Variants in PLEC observed in about 807,000 individuals in gnomAD.
PLEC encodes the protein plectin, also known as hemidesmosomal protein 1.
In PLEC, 216 loss-of-function variants were observed where a neutral mutation model predicts 392.8. The observed-to-expected ratio is 0.55, with a 90% CI of 0.49 to 0.62. The LOEUF (loss-of-function observed/expected upper bound fraction) is 0.62, where lower values mean the gene tolerates loss of function less well. Ranked by LOEUF, PLEC falls within the 20% of genes least tolerant of loss-of-function variation. The pLI is 0.00. For synonymous variants in PLEC, 3,621 were observed against 2,980.6 expected, an observed-to-expected ratio of 1.21 and a Z score of -7.00; for missense variants, 6,863 against 6,563.4, an observed-to-expected ratio of 1.05 and a Z score of -1.58.
chr8:143,961,163 A>AGG (rs1280298485), intron 1 of PLEC, among the ~76,000 whole-genome samples: 39 of 152,334 alleles, frequency 2.6e-4, no homozygotes, highest in African/African-American at 8.7e-4. Context: ...CCAATACGAT[A>AGG]GGTAAAAAAC....
At chr8:143,938,724 C>G in intron 1 of PLEC, 32 bp from the exon 2 acceptor site, 1 of 1,603,692 alleles carries the variant, frequency 6.2e-7, no homozygotes, top group Non-Finnish European at 8.5e-7. Context: ...TACCTGGGGC[C>G]TGGGAGAAGC....
At chr8:143,937,123 G>A in intron 4 of PLEC, 42 bp downstream of exon 4, 2 of 1,608,520 alleles carry the variant, frequency 1.2e-6, no homozygotes, top group Non-Finnish European at 1.7e-6. Context: ...CTGGCTTGGT[G>A]AGGGGTCTGG....
At chr8:143,932,262 A>C (rs782736273) in intron 16 of PLEC, 28 bp from the exon 17 acceptor site, 4 of 1,610,066 alleles carry the variant, frequency 2.5e-6, no homozygotes, top group Non-Finnish European at 2.5e-6. Flanking sequence ...GGTCTCAGGG[A>C]CGGCCGGCCA....
chr8:143,956,269 T>C (rs1832590087), upstream of PLEC, among the ~76,000 whole-genome samples: 1 of 152,012 alleles, frequency 6.6e-6, no homozygotes, highest in South Asian at 2.1e-4. Flanking sequence ...TTTAAAGGAT[T>C]AAAACGCATA....
chr8:143,934,428 G>T lies in PLEC; in HGVS notation c.1059C>A (p.Gly353=). 1 of 1,611,342 alleles carries T rather than the reference G, an allele frequency of 6.2e-7. No individual in the cohort carries two copies. The change falls in exon 11 of 32, where the codon GGC becomes GGA. Residue 353 remains glycine (G), a synonymous_variant. Transcript: ENST00000345136. The stretch of plus-strand genomic sequence containing the variant: ...GGTAGCCAGGGGGCACCTTGAGCTG[G>T]CCTGCTTGCACCGCTCCCTGTAGAC... The part of the protein sequence containing the change: ...YQSLEGAVQA[G]QLKVPPGYHP...
At chr8:143,938,440 C>G in intron 2 of PLEC, 191 bp downstream of exon 2, 1 of 1,540,490 alleles carries the variant, frequency 6.5e-7, no homozygotes, top group South Asian at 1.2e-5. Flanking sequence ...CAGGAAAGAC[C>G]AGAAGGAAGA....
At chr8:143,971,855 G>C (rs578184605) in intron 1 of PLEC, among the ~76,000 whole-genome samples, 1 of 152,060 alleles carries the variant, frequency 6.6e-6, no homozygotes, top group Admixed American at 6.5e-5. Flanking sequence ...CCAAGACTGC[G>C]AGTGTGCCCA....
chr8:143,938,719 G>A, intron 1 of PLEC, 27 bp from the exon 2 acceptor site: 1 of 1,611,370 alleles, frequency 6.2e-7, no homozygotes, highest in Non-Finnish European at 8.5e-7. Flanking sequence ...CAGCTTACCT[G>A]GGGCCTGGGA....
chr8:143,954,128 C>T (rs1554738464), upstream of PLEC, among the ~76,000 whole-genome samples: 17 of 151,884 alleles, frequency 1.1e-4, no homozygotes, highest in Non-Finnish European at 2.9e-5. This position sits in a 1 kb window ranked among gnomAD's most constrained non-coding sequence, Gnocchi z 4.6. Flanking sequence ...TGCAACGAGC[C>T]ATGCTTAGAA....
At position 143,923,572 on chromosome 8, in the gene PLEC, C is replaced by A. The variant is rs782016706; in HGVS notation, c.6357G>T (p.Gln2119His). Residue 2119 changes from glutamine (Q) to histidine (H), a missense_variant, in exon 31 of 32, where the codon CAG becomes CAT. Transcript: ENST00000345136. The stretch of plus-strand genomic sequence containing the variant: ...GGGCCTGTGCCTGCTCCTCTGCCGA[C>A]TGCTTCAGCCGCTCGGCCTCTTCCA... ...RQVEEAERLK[Q>H]SAEEQAQARA... The A allele has an allele frequency of 5.8e-5, 93 of 1,596,756 alleles. 2 individuals carry two copies. The South Asian group carries it at 9.9e-4, about 17-fold the overall frequency.
At position 143,924,261 on chromosome 8, in the gene PLEC, C is replaced by T. The variant is rs1554696439; in HGVS notation, c.5668G>A (p.Asp1890Asn). The change falls in exon 31 of 32, where the codon GAC becomes AAC. Residue 1890 changes from aspartate to asparagine, a missense_variant. Transcript: ENST00000345136. ...AGCTGGGCCAGGCGCTCCTCGATGT[C>T]AGCCTTGTGTTGCGCGGCCTGCTCC... ...LEEQAAQHKA[D>N]IEERLAQLRK... The T allele has an allele frequency of 6.3e-7, 1 of 1,597,776 alleles. No homozygotes were observed. The highest frequency in any genetic ancestry group is 1.7e-5 in the Admixed American group (1 of 59,894).
chr8:143,921,813 G>A lies in PLEC; in HGVS notation c.8008C>T (p.Gln2670Ter), dbSNP rs1295896158. 1 of 1,608,708 alleles carries A rather than the reference G, an allele frequency of 6.2e-7. No individual in the cohort carries two copies. Among genetic ancestry groups the A allele is most frequent in the Non-Finnish European group, 8.5e-7 (1 of 1,179,746 alleles). Residue 2670 changes from glutamine to a stop codon, truncating the protein, a stop_gained, in exon 32 of 32, where the codon CAG (glutamine) becomes TAG (stop). Coordinates refer to ENST00000345136, the MANE Select transcript of PLEC (RefSeq NM_201384.3). LOFTEE classifies it low-confidence loss of function (END_TRUNC). ...EAGILSAEEL[Q>*]RLAQGHTTVD... ...GTGGTGTGGCCCTGCGCCAACCGCT[G>A]CAGCTCCTCCGCACTCAGGATGCCG...
upstream of PLEC, among the ~76,000 whole-genome samples, chr8:143,942,742 C>A (rs1554729843): frequency 6.6e-6 from 1 of 152,248 alleles, no homozygotes; most frequent in Non-Finnish European, 1.5e-5. Context: ...CCCCAACCCA[C>A]GGGCCGGGCT....
In PLEC at chr8:143,919,179, T is replaced by C. The variant is rs1363017886; in HGVS notation, c.10642A>G (p.Lys3548Glu). The part of the protein sequence containing the change: ...LRLLPLKGAE[K>E]AEVVETTQVY... ...TGCGTGGTCTCCACCACCTCAGCCT[T>C]CTCCGCCCCTTTCAGTGGCAGAAGG... The change falls in exon 32 of 32, where the codon AAG (lysine) becomes GAG (glutamate). Residue 3548 changes from lysine (K) to glutamate (E), a missense_variant. By Grantham distance (56) the Lys-to-Glu change is moderately conservative. Coordinates refer to ENST00000345136, the MANE Select transcript of PLEC (RefSeq NM_201384.3). The C allele has an allele frequency of 6.2e-6, 10 of 1,613,468 alleles. No individual in the cohort carries two copies. Among genetic ancestry groups the C allele is most frequent in the Non-Finnish European group, 8.5e-6 (10 of 1,180,004 alleles).
rs74461721 is a variant in PLEC, at chr8:143,934,437, C to T, written c.1050G>A (p.Val350=). ...KGIYQSLEGA[V]QAGQLKVPPG... The stretch of plus-strand genomic sequence containing the variant: ...GGGGCACCTTGAGCTGGCCTGCTTG[C>T]ACCGCTCCCTGTAGACAGGGGCCAC... The change falls in exon 11 of 32, where the codon GTG becomes GTA. Residue 350 remains valine (V), a synonymous_variant. Coordinates refer to ENST00000345136, the MANE Select transcript of PLEC (RefSeq NM_201384.3). 234 of 1,611,522 alleles carry T rather than the reference C, an allele frequency of 1.5e-4. 2 individuals carry two copies. The East Asian group carries it at 4.3e-3, about 30-fold the overall frequency.
chr8:143,940,418 C>T (rs1435834962), upstream of PLEC, among the ~76,000 whole-genome samples: 1 of 152,230 alleles, frequency 6.6e-6, no homozygotes, highest in Non-Finnish European at 1.5e-5. Context: ...GGGGAAGCCA[C>T]ACCTGAGGCA....
chr8:143,971,021 G>C (rs1833400849), intron 1 of PLEC, among the ~76,000 whole-genome samples: 1 of 152,244 alleles, frequency 6.6e-6, no homozygotes, highest in Non-Finnish European at 1.5e-5. Flanking sequence ...GGGCTGAGGG[G>C]CTCAGGCAGA....
Position 143,939,482 on chromosome 8 carries a change from G to A in PLEC, c.-21C>T, listed in dbSNP as rs1564178065. The A allele has an allele frequency of 3.1e-6, 5 of 1,603,244 alleles. No homozygotes were observed. The highest frequency in any genetic ancestry group is 2.2e-5 in the South Asian group (2 of 89,368). On this transcript the variant is annotated 5_prime_UTR_variant, in exon 1 of 32. Transcript: ENST00000345136. ...GACATGCTGCCCCCACACCTTCGTCGCCCGGACCCTCGGCCTCAGGCACGG... is the reference window on the plus strand; with the variant it reads ...GACATGCTGCCCCCACACCTTCGTCACCCGGACCCTCGGCCTCAGGCACGG...
intron 1 of PLEC, among the ~76,000 whole-genome samples, chr8:143,961,633 A>G (rs1446020188): frequency 6.6e-6 from 1 of 152,220 alleles, no homozygotes; most frequent in Non-Finnish European, 1.5e-5. Context: ...TCCGTGTCCT[A>G]GGAGAAAGGA....
Sources: gnomAD v4.1 joint callset for allele counts (sites outside exome capture counted in the v4.1 genomes callset) on GRCh38, gnomAD v4.1.1 for gene constraint, Gnocchi (gnomAD v3.1) non-coding constraint, MANE v1.5 for transcripts, NCBI Gene and HGNC (gene_info 2026-07-23, HGNC 2026-07-21) for gene names.